KSR1: variants seen among roughly 807,000 people sequenced by gnomAD.
KSR1 encodes kinase suppressor of ras.
Under a neutral mutation model 92.9 loss-of-function variants are expected in KSR1, and 35 were observed. The ratio of observed to expected loss-of-function variants is 0.38; its 90% CI spans 0.29 to 0.50. The LOEUF (loss-of-function observed/expected upper bound fraction) is 0.50. Among genes scored for constraint, KSR1 ranks in the 20% least tolerant of loss-of-function variants. KSR1 has a pLI of 0.94. For missense variants in KSR1, 972 were observed against 1,158.5 expected (o/e 0.84, Z 2.34); for synonymous variants, 467 against 472.6 (o/e 0.99, Z 0.15).
intron 1 of KSR1, among the ~76,000 whole-genome samples, chr17:27,464,719 A>AC (rs1555563054): frequency 6.6e-6 from 1 of 151,386 alleles, no homozygotes; most frequent in Admixed American, 6.6e-5. Flanking sequence ...AAAAAAAAAA[A>AC]CCAGCAAGAA....
chr17:27,533,720 G>A (rs1364225667), intron 1 of KSR1, among the ~76,000 whole-genome samples: 1 of 152,140 alleles, frequency 6.6e-6, no homozygotes, highest in African/African-American at 2.4e-5. Flanking sequence ...CTGATCTGCC[G>A]TTGAATCTAT....
chr17:27,498,359 G>T (rs1199123492), intron 1 of KSR1, among the ~76,000 whole-genome samples: 1 of 146,576 alleles, frequency 6.8e-6, no homozygotes, highest in Non-Finnish European at 1.5e-5. Flanking sequence ...AAAAAAAAAG[G>T]CTCTTGACCA....
intron 1 of KSR1, among the ~76,000 whole-genome samples, chr17:27,508,644 A>G (rs1186227451): frequency 2.0e-5 from 3 of 152,182 alleles, no homozygotes; most frequent in African/African-American, 7.2e-5. Context: ...GGCAGGGACA[A>G]ACACAGGCTT....
At chr17:27,493,862 C>G (rs996693979) in intron 1 of KSR1, among the ~76,000 whole-genome samples, 3 of 152,104 alleles carry the variant, frequency 2.0e-5, no homozygotes, top group Non-Finnish European at 4.4e-5. Flanking sequence ...ATTTAAAAAG[C>G]AAAACAACCT....
At chr17:27,566,490 G>A (rs2072076045) in intron 2 of KSR1, 2 of 399,160 alleles carry the variant, frequency 5.0e-6, no homozygotes. Context: ...GACAGCCAAG[G>A]TGTCCAGGGG....
intron 15 of KSR1, among the ~76,000 whole-genome samples, chr17:27,608,528 T>A (rs1377941731): frequency 6.6e-6 from 1 of 152,206 alleles, no homozygotes; most frequent in African/African-American, 2.4e-5. Flanking sequence ...CAGTGTTAGT[T>A]CAAATAGAGC....
intron 2 of KSR1, among the ~76,000 whole-genome samples, chr17:27,553,630 C>T (rs2071484105): frequency 6.6e-6 from 1 of 152,238 alleles, no homozygotes; most frequent in Non-Finnish European, 1.5e-5. Flanking sequence ...CTTTAAGAAC[C>T]ACAAGGAACC....
intron 1 of KSR1, among the ~76,000 whole-genome samples, chr17:27,521,866 G>T (rs2070049366): frequency 6.6e-6 from 1 of 152,244 alleles, no homozygotes. Context: ...TTGGAATTAT[G>T]ATGTTGATGA....
rs1331506911 is a variant in KSR1 at position 27,624,311 on chromosome 17, G to A, written c.*919G>A. 6.6e-6 allele frequency: 1 copy of A among 152,346 alleles called. No individual in the cohort carries two copies. The highest frequency in any genetic ancestry group is 1.5e-5 in the Non-Finnish European group (1 of 68,142). 9.4% of individuals were successfully genotyped at this position (152,346 alleles called of 1,614,324 possible). Reference sequence around the variant, plus strand: ...TACCTGAGCCCACTTCCCAGCCACAGGGTGACCCTGGCACTGTAAAAACCC... The same window carrying A: ...TACCTGAGCCCACTTCCCAGCCACAAGGTGACCCTGGCACTGTAAAAACCC... On this transcript the variant is annotated 3_prime_UTR_variant, in exon 21 of 21. Transcript: ENST00000644974.
At chr17:27,514,667 A>G (rs1242158001) in intron 1 of KSR1, among the ~76,000 whole-genome samples, 2 of 152,020 alleles carry the variant, frequency 1.3e-5, no homozygotes, top group Non-Finnish European at 2.9e-5. Flanking sequence ...TCTCAAAAAA[A>G]AAAAAAAAGA....
Position 27,623,746 on chromosome 17 carries a change from C to A in KSR1, c.*354C>A. ...CGGAAATGGCCATCCCCTCTGAGGACCTTGTAGGCGGTGAGGGACCCATGC... is the reference window on the plus strand; with the variant it reads ...CGGAAATGGCCATCCCCTCTGAGGAACTTGTAGGCGGTGAGGGACCCATGC... On this transcript the variant is annotated 3_prime_UTR_variant, in exon 21 of 21. Coordinates refer to ENST00000644974, the MANE Select transcript of KSR1 (RefSeq NM_001394583.1). 1.8e-6 allele frequency: 1 copy of A among 554,800 alleles called. No individual in the cohort carries two copies. Among genetic ancestry groups the A allele is most frequent in the South Asian group, 2.5e-5 (1 of 39,844 alleles). 34.4% of individuals were successfully genotyped at this position (554,800 alleles called of 1,614,324 possible). A position where few individuals can be genotyped will look rare whatever the true frequency, so the allele number is the denominator to read the frequency against.
At chr17:27,507,101 C>T (rs1302823415) in intron 1 of KSR1, among the ~76,000 whole-genome samples, 1 of 152,138 alleles carries the variant, frequency 6.6e-6, no homozygotes, top group Non-Finnish European at 1.5e-5. Context: ...TGTAAAAATG[C>T]TTGGTGGATT....
At chr17:27,607,470 T>C (rs972054231) in intron 14 of KSR1, among the ~76,000 whole-genome samples, 10 of 151,970 alleles carry the variant, frequency 6.6e-5, no homozygotes, top group African/African-American at 1.7e-4. Context: ...TTTATTGTAA[T>C]AAAAACCCTG....
chr17:27,567,885 T>G (rs550835683), intron 2 of KSR1, among the ~76,000 whole-genome samples: 4 of 152,194 alleles, frequency 2.6e-5, no homozygotes, highest in Non-Finnish European at 4.4e-5. Context: ...AAATGAGTGC[T>G]GACTAGATTG....
chr17:27,594,253 G>T (rs2073263951), intron 9 of KSR1, among the ~76,000 whole-genome samples: 1 of 152,238 alleles, frequency 6.6e-6, no homozygotes, highest in South Asian at 2.1e-4. Flanking sequence ...TGAACTTGTA[G>T]GGAGCAGTAC....
chr17:27,554,847 A>AT (rs1219952420), intron 2 of KSR1, among the ~76,000 whole-genome samples: 1 of 152,216 alleles, frequency 6.6e-6, no homozygotes, highest in Admixed American at 6.5e-5. Context: ...ATTTTCTTAA[A>AT]TAAACTTTTT....
chr17:27,591,040 C>G, intron 7 of KSR1, 146 bp downstream of exon 7: 1 of 681,790 alleles, frequency 1.5e-6, no homozygotes. Context: ...CAAGTTACTC[C>G]TGGAAGAAGG....
chr17:27,536,313 C>G (rs1399755086), intron 1 of KSR1, among the ~76,000 whole-genome samples: 1 of 152,148 alleles, frequency 6.6e-6, no homozygotes, highest in East Asian at 1.9e-4. Flanking sequence ...CTAAAGTATG[C>G]CGGTATGCCA....
Position 27,505,007 on chromosome 17 carries a change from A to G in KSR1, c.232-45561A>G, listed in dbSNP as rs114574024. Among the ~76,000 whole-genome samples the G allele has an allele frequency of 7.3e-3, 1,112 of 152,280 alleles. 11 individuals carry two copies. Among genetic ancestry groups the G allele is most frequent in the African/African-American group, 0.026 (1,070 of 41,540 alleles). ...TAAGCATGTGGGAGGGCTCTGTCCCATAAAGCCAGGGAAAGATGCCCTTAT... is the reference window on the plus strand; with the variant it reads ...TAAGCATGTGGGAGGGCTCTGTCCCGTAAAGCCAGGGAAAGATGCCCTTAT... On this transcript the variant is annotated intron_variant, in intron 1 of 20. Coordinates refer to ENST00000644974, the MANE Select transcript of KSR1 (RefSeq NM_001394583.1).
Sources: gnomAD v4.1 joint callset for allele counts (sites outside exome capture counted in the v4.1 genomes callset) on GRCh38, gnomAD v4.1.1 for gene constraint, MANE v1.5 for transcripts, NCBI Gene and HGNC (gene_info 2026-07-23, HGNC 2026-07-21) for gene names.